BTAF1: variants seen among roughly 807,000 people sequenced by gnomAD.
BTAF1 encodes B-TFIID TATA-box binding protein associated factor 1.
In BTAF1, 38 loss-of-function variants were observed where a neutral mutation model predicts 227.1. The ratio of observed to expected loss-of-function variants is 0.17; its 90% confidence interval spans 0.13 to 0.22. The LOEUF (loss-of-function observed/expected upper bound fraction) is 0.22. Among genes scored for constraint, BTAF1 ranks in the 10% least tolerant of loss-of-function variants. BTAF1 has a pLI of 1.00. For synonymous variants in BTAF1, 742 were observed against 751.9 expected, an observed-to-expected ratio of 0.99 and a Z score of 0.21; for missense variants, 1,598 against 2,204.0, an observed-to-expected ratio of 0.73 and a Z score of 5.51.
chr10:91,941,369 C>T (rs1018767371), intron 3 of BTAF1, among the ~76,000 whole-genome samples: 4 of 152,088 alleles, frequency 2.6e-5, no homozygotes, highest in Non-Finnish European at 1.5e-5. Context: ...ATAGAAATTC[C>T]TTTTAAGTTA....
chr10:91,932,550 G>A (rs1399314177), intron 1 of BTAF1, among the ~76,000 whole-genome samples: 3 of 152,198 alleles, frequency 2.0e-5, no homozygotes, highest in African/African-American at 7.2e-5. Flanking sequence ...ACTGTGCAAA[G>A]TGTTGTGCGA....
chr10:91,934,584 C>T (rs1464896743), intron 1 of BTAF1, among the ~76,000 whole-genome samples: 1 of 152,092 alleles, frequency 6.6e-6, no homozygotes, highest in Non-Finnish European at 1.5e-5. Context: ...GATTAATCTT[C>T]CTAAAGCATA....
chr10:91,934,564 A>C (rs1589745336), intron 1 of BTAF1, among the ~76,000 whole-genome samples: 1 of 152,196 alleles, frequency 6.6e-6, no homozygotes, highest in African/African-American at 2.4e-5. Context: ...CATGTATCAC[A>C]CTGCTGCCAG....
At chr10:91,963,292 G>A (rs374944513) in intron 12 of BTAF1, among the ~76,000 whole-genome samples, 5 of 151,744 alleles carry the variant, frequency 3.3e-5, no homozygotes, top group African/African-American at 1.2e-4. Context: ...GGTGGCGGGC[G>A]CCTGTAGTCC....
chr10:91,927,024 T>C (rs1047210286), intron 1 of BTAF1, among the ~76,000 whole-genome samples: 1 of 152,174 alleles, frequency 6.6e-6, no homozygotes, highest in Non-Finnish European at 1.5e-5. Flanking sequence ...TCTTCTCTCT[T>C]CTATCCTCCA....
chr10:91,953,601 T>A, intron 5 of BTAF1, 136 bp from the exon 6 acceptor site: 4 of 936,342 alleles, frequency 4.3e-6, no homozygotes, highest in South Asian at 1.9e-5. Flanking sequence ...AACAAAAGAG[T>A]GTGAACCTGT....
chr10:92,018,648 T>TAGA lies in BTAF1; in HGVS notation c.4711-132_4711-130dup, dbSNP rs1047447043. ...TTTGAACTGGTTCTTGAAGAATGAG[T>TAGA]AGAAGTTTGCCGAGCAAGAAGAGGG... On this transcript the variant is annotated intron_variant, in intron 33 of 37. Transcript: ENST00000265990. 29 of 710,426 alleles carry TAGA rather than the reference T, an allele frequency of 4.1e-5. No homozygotes were observed. In the African/African-American group the frequency reaches 4.7e-4, roughly 12 times the overall value. 44.0% of individuals were successfully genotyped at this position (710,426 alleles called of 1,614,324 possible). A position where few individuals can be genotyped will look rare whatever the true frequency, so the allele number is the denominator to read the frequency against.
intron 29 of BTAF1, 50 bp downstream of exon 29, chr10:92,011,200 C>T (rs7900567): frequency 6.6e-7 from 1 of 1,518,412 alleles, no homozygotes; most frequent in Non-Finnish European, 8.9e-7. Context: ...TTTGAAGACT[C>T]TTAATATTTT....
chr10:91,942,376 A>G, intron 3 of BTAF1, 46 bp from the exon 4 acceptor site: 9 of 1,560,538 alleles, frequency 5.8e-6, no homozygotes, highest in Non-Finnish European at 7.9e-6. Context: ...CTTTCATTCC[A>G]CACTTTGGCT....
At chr10:92,011,867 T>C (rs1008685559) in intron 30 of BTAF1, among the ~76,000 whole-genome samples, 4 of 152,036 alleles carry the variant, frequency 2.6e-5, no homozygotes, top group African/African-American at 9.7e-5. Flanking sequence ...GATAGGTATG[T>C]ATGTATCTTT....
intron 1 of BTAF1, among the ~76,000 whole-genome samples, chr10:91,930,427 T>C (rs982248969): frequency 1.3e-5 from 2 of 152,190 alleles, no homozygotes; most frequent in African/African-American, 2.4e-5. Context: ...TACTCTCCAT[T>C]CTCATGGAGT....
intron 34 of BTAF1, among the ~76,000 whole-genome samples, chr10:92,023,762 A>C (rs2134175027): frequency 6.6e-6 from 1 of 151,984 alleles, no homozygotes; most frequent in Middle Eastern, 3.4e-3. Flanking sequence ...CAGCCTCTCA[A>C]GTAGCTGGGA....
chr10:91,976,942 C>T (rs1036312562), intron 14 of BTAF1, among the ~76,000 whole-genome samples: 1 of 152,146 alleles, frequency 6.6e-6, no homozygotes, highest in African/African-American at 2.4e-5. Flanking sequence ...AGGTAGAAGA[C>T]ACTATTGGAT....
chr10:92,018,118 C>G (rs781240831), intron 33 of BTAF1, among the ~76,000 whole-genome samples: 8 of 152,092 alleles, frequency 5.3e-5, no homozygotes, highest in Admixed American at 1.3e-4. Flanking sequence ...GAGTCTCGCT[C>G]TGTCACCCAG....
intron 1 of BTAF1, 131 bp from the exon 2 acceptor site, chr10:91,935,526 T>C (rs1022807746): frequency 3.2e-6 from 3 of 931,118 alleles, no homozygotes; most frequent in Non-Finnish European, 4.5e-6. Flanking sequence ...TTCACCATAA[T>C]GTCTTTCCGG....
chr10:91,930,823 A>T (rs1844227154), intron 1 of BTAF1, among the ~76,000 whole-genome samples: 1 of 152,216 alleles, frequency 6.6e-6, no homozygotes, highest in South Asian at 2.1e-4. Flanking sequence ...TGCCACGTGT[A>T]AAAAATGTAT....
chr10:91,995,532 C>T (rs897678889), intron 23 of BTAF1, among the ~76,000 whole-genome samples: 2 of 151,882 alleles, frequency 1.3e-5, no homozygotes, highest in Admixed American at 6.6e-5. Context: ...AAAAATTAGC[C>T]GGGCGTGATG....
At chr10:91,975,915 C>T (rs904602313) in intron 14 of BTAF1, among the ~76,000 whole-genome samples, 1 of 152,152 alleles carries the variant, frequency 6.6e-6, no homozygotes, top group African/African-American at 2.4e-5. Flanking sequence ...ACCAATTATC[C>T]AACTCCCTGG....
At chr10:91,993,204 T>A (rs766771372) in intron 21 of BTAF1, among the ~76,000 whole-genome samples, 1 of 152,214 alleles carries the variant, frequency 6.6e-6, no homozygotes, top group Admixed American at 6.5e-5. Flanking sequence ...AACATAATTT[T>A]AAAAATATAA....
Sources: allele counts gnomAD v4.1 joint callset (sites outside exome capture counted in the v4.1 genomes callset), GRCh38; gene constraint gnomAD v4.1.1; transcripts MANE v1.5; gene names NCBI Gene and HGNC (gene_info 2026-07-23, HGNC 2026-07-21).